The following ZNF134 variants were observed in gnomAD, a reference collection of about 807,000 sequenced individuals.
ZNF134 encodes zinc finger protein 134.
In ZNF134, 5 loss-of-function variants were observed where a neutral mutation model predicts 2.5. The observed-to-expected ratio is 2.03, with a 90% CI of 1.06 to 4.27. The LOEUF (loss-of-function observed/expected upper bound fraction) is 4.27, where lower values mean the gene tolerates loss of function less well. Ranked by LOEUF, ZNF134 falls within the 30% of genes most tolerant of loss-of-function variation. The probability of loss-of-function intolerance (pLI) is 0.00; values close to 1 mark genes in which losing one functional copy is unlikely to be tolerated. For synonymous variants in ZNF134, 176 were observed against 176.2 expected, an observed-to-expected ratio of 1.00 and a Z score of 0.01; for missense variants, 540 against 517.5, an observed-to-expected ratio of 1.04 and a Z score of -0.42.
rs1442359055 is a variant in ZNF134 at position 57,614,720 on chromosome 19, G to C, written c.-58+217G>C. Among the ~76,000 whole-genome samples, 3 of 152,198 alleles carry C rather than the reference G, an allele frequency of 2.0e-5. No homozygotes were observed. In the South Asian group the frequency reaches 6.2e-4, roughly 32 times the overall value. ...GGGAGCGTGTGTGAACCGTAGTCAGGCCTGCAATGTCGAGGGGAGAAGTTG... is the reference window on the plus strand; with the variant it reads ...GGGAGCGTGTGTGAACCGTAGTCAGCCCTGCAATGTCGAGGGGAGAAGTTG... On this transcript the variant is annotated intron_variant, in intron 1 of 2. Transcript: ENST00000396161.
At chr19:57,620,108 GC>G in intron 2 of ZNF134, 51 bp from the exon 3 acceptor site, 2 of 1,571,820 alleles carry the variant, frequency 1.3e-6, no homozygotes, top group Non-Finnish European at 1.7e-6. Flanking sequence ...TGATGTAGTT[GC>G]CCCACCCACC....
At chr19:57,620,074 C>G (rs975034377) in intron 2 of ZNF134, 86 bp from the exon 3 acceptor site, 8 of 1,500,018 alleles carry the variant, frequency 5.3e-6, no homozygotes, top group Non-Finnish European at 7.2e-6. Context: ...GTACTCAGTC[C>G]TGGGTACAGC....
At chr19:57,620,028 A>C in intron 2 of ZNF134, 132 bp from the exon 3 acceptor site, 1 of 1,058,914 alleles carries the variant, frequency 9.4e-7, no homozygotes. Context: ...CCCTTTTTTC[A>C]ACCTGATCCT....
rs1981250414 is a variant in ZNF134 at position 57,622,350 on chromosome 19, G to T, written c.*947G>T. 1 of 152,174 alleles carries T rather than the reference G, an allele frequency of 6.6e-6. No homozygotes were observed. Among genetic ancestry groups the T allele is most frequent in the Non-Finnish European group, 1.5e-5 (1 of 68,062 alleles). The allele number at this position is 152,174 out of a possible 1,614,324, so 9.4% of individuals were successfully genotyped here. ...TGAATCTGTTTCACAGGCCACTGTT[G>T]GTAAGATCTAAAGCATCCAGTAGGG... On this transcript the variant is annotated 3_prime_UTR_variant, in exon 3 of 3. Transcript: ENST00000396161.
At chr19:57,619,642 A>C in intron 2 of ZNF134, 134 bp downstream of exon 2, 1 of 998,650 alleles carries the variant, frequency 1.0e-6, no homozygotes, top group East Asian at 2.7e-5. Flanking sequence ...CATTCTGTAC[A>C]CTCTTGTCAT....
chr19:57,623,773 A>G lies in ZNF134; in HGVS notation c.*2370A>G, dbSNP rs1220057064. ...AGAAGTTTAAACTATCACTCATCTC[A>G]GCAAAAGCCAAAAATATAGATAGGG... On this transcript the variant is annotated 3_prime_UTR_variant, in exon 3 of 3. Transcript: ENST00000396161. 1 of 152,240 alleles carries G rather than the reference A, an allele frequency of 6.6e-6. No individual in the cohort carries two copies. Among genetic ancestry groups the G allele is most frequent in the Non-Finnish European group, 1.5e-5 (1 of 68,038 alleles). 9.4% of individuals were successfully genotyped at this position (152,240 alleles called of 1,614,324 possible). A position where few individuals can be genotyped will look rare whatever the true frequency, so the allele number is the denominator to read the frequency against.
In ZNF134 at chr19:57,614,253, C is replaced by A. The variant is rs1353804542; in HGVS notation, c.-308C>A. On this transcript the variant is annotated 5_prime_UTR_variant, in exon 1 of 3. Transcript: ENST00000396161. ...CCGGTATCTTCCTCGCGGTGGACAT[C>A]TTGTCGGCTCTTAGGTGGAACCATC... 2 of 425,260 alleles carry A rather than the reference C, an allele frequency of 4.7e-6. No homozygotes were observed. Among genetic ancestry groups the A allele is most frequent in the African/African-American group, 4.1e-5 (2 of 48,512 alleles). 26.3% of individuals were successfully genotyped at this position (425,260 alleles called of 1,614,324 possible).
rs371670359 is a variant in ZNF134 at position 57,620,362 on chromosome 19, G to A, written c.243G>A (p.Gly81=). Residue 81 remains glycine (G), a synonymous_variant, in exon 3 of 3, where the codon GGG becomes GGA. Coordinates refer to ENST00000396161, the MANE Select transcript of ZNF134 (RefSeq NM_003435.5). ...ATGGACTGAAACTTCACACATGTGG[G>A]GCATGTGGGAGACAATTCTGGTTCA... ...THHGLKLHTC[G]ACGRQFWFSA... is the part of the protein sequence containing the mutation. 2 of 1,614,084 alleles carry A rather than the reference G, an allele frequency of 1.2e-6. No homozygotes were observed. The highest frequency in any genetic ancestry group is 2.7e-5 in the African/African-American group (2 of 74,926).
rs1023103869 is a variant in ZNF134, at chr19:57,623,045, A to C, written c.*1642A>C. The stretch of plus-strand genomic sequence containing the variant: ...GTATTGGACATATCTGTTACCCCCA[A>C]AGTTAACCTGAGGCCCTTAACCTTT... On this transcript the variant is annotated 3_prime_UTR_variant, in exon 3 of 3. Transcript: ENST00000396161. 26 of 151,790 alleles carry C rather than the reference A, an allele frequency of 1.7e-4. No individual in the cohort carries two copies. The highest frequency in any genetic ancestry group is 6.1e-4 in the African/African-American group (25 of 41,296). 9.4% of individuals were successfully genotyped at this position (151,790 alleles called of 1,614,324 possible). A position where few individuals can be genotyped will look rare whatever the true frequency, so the allele number is the denominator to read the frequency against.
chr19:57,621,274 C>A lies in ZNF134; in HGVS notation c.1155C>A (p.Ser385=), dbSNP rs770304655. ...SKCGKDFIRT[S]HLVRHQRVHT... is the part of the protein sequence containing the mutation. ...GTGGGAAAGACTTTATCAGAACCTC[C>A]CACCTTGTTCGACACCAAAGAGTTC... The change falls in exon 3 of 3, where the codon TCC becomes TCA. Residue 385 remains serine (S), a synonymous_variant. Transcript: ENST00000396161. 2 of 1,613,994 alleles carry A rather than the reference C, an allele frequency of 1.2e-6. No homozygotes were observed. The highest frequency in any genetic ancestry group is 1.7e-6 in the Non-Finnish European group (2 of 1,180,006).
At position 57,621,370 on chromosome 19, in the gene ZNF134, G is replaced by A; in HGVS notation, c.1251G>A (p.Arg417=). The A allele has an allele frequency of 6.2e-7, 1 of 1,613,676 alleles. No homozygotes were observed. Residue 417 remains arginine, a synonymous_variant, in exon 3 of 3, where the codon CGG becomes CGA. Transcript: ENST00000396161. ...KAYSLSSHLN[R]HQKVHTAGRL ...ACAGCTTAAGCTCCCACCTCAATCG[G>A]CACCAGAAAGTTCACACTGCAGGCA...
chr19:57,616,139 G>A (rs773769935), intron 1 of ZNF134, among the ~76,000 whole-genome samples: 4 of 152,140 alleles, frequency 2.6e-5, no homozygotes, highest in Non-Finnish European at 5.9e-5. Flanking sequence ...TGGTGCCTCA[G>A]TTACCCAAAC....
intron 1 of ZNF134, among the ~76,000 whole-genome samples, chr19:57,617,264 CTG>C (rs1249660757): frequency 6.6e-6 from 1 of 152,142 alleles, no homozygotes; most frequent in Non-Finnish European, 1.5e-5. Context: ...TGAAAAAAGA[CTG>C]TGGGAGTGAG....
At chr19:57,616,699 A>G (rs1026856028) in intron 1 of ZNF134, among the ~76,000 whole-genome samples, 2 of 152,238 alleles carry the variant, frequency 1.3e-5, no homozygotes, top group Admixed American at 6.5e-5. Flanking sequence ...GAAACAGTTC[A>G]GTCGATGAGA....
At position 57,620,244 on chromosome 19, in the gene ZNF134, C is replaced by G; in HGVS notation, c.125C>G (p.Ala42Gly). 1 of 1,614,210 alleles carries G rather than the reference C, an allele frequency of 6.2e-7. No homozygotes were observed. The highest frequency in any genetic ancestry group is 1.1e-5 in the South Asian group (1 of 91,082). The part of the protein sequence containing the change: ...IAVSHVNTSK[A>G]GLPAQTALPC... Reference sequence around the variant, plus strand: ...GTGTCACATGTTAATACTTCCAAGGCAGGTTTGCCCGCACAGACGGCTCTC... The same window carrying G: ...GTGTCACATGTTAATACTTCCAAGGGAGGTTTGCCCGCACAGACGGCTCTC... Residue 42 changes from alanine to glycine, a missense_variant, in exon 3 of 3, where the codon GCA becomes GGA. Ala to Gly is a moderately conservative substitution (Grantham distance 60). Coordinates refer to ENST00000396161, the MANE Select transcript of ZNF134 (RefSeq NM_003435.5).
At position 57,621,941 on chromosome 19, in the gene ZNF134, T is replaced by G. The variant is rs572275072; in HGVS notation, c.*538T>G. 6.5e-4 allele frequency: 141 copies of G among 217,520 alleles called. No homozygotes were observed. The highest frequency in any genetic ancestry group is 5.7e-3 in the Middle Eastern group (3 of 524). The allele number at this position is 217,520 out of a possible 1,614,324, so 13.5% of individuals were successfully genotyped here. On this transcript the variant is annotated 3_prime_UTR_variant, in exon 3 of 3. Transcript: ENST00000396161. The stretch of plus-strand genomic sequence containing the variant: ...TTAAGCCACATTTAATCTTGGGGCT[T>G]CTTCTTATGGTCTGGGGTGGATTGA...
rs1165330460 is a variant in ZNF134, at chr19:57,624,013, A to T, written c.*2610A>T. ...ATTCTATACATGGGACTGGCTGCGG[A>T]AACAGGTGCAAGCCCTTGCTACCTT... On this transcript the variant is annotated 3_prime_UTR_variant, in exon 3 of 3. Coordinates refer to ENST00000396161, the MANE Select transcript of ZNF134 (RefSeq NM_003435.5). The T allele has an allele frequency of 6.6e-6, 1 of 152,292 alleles. No homozygotes were observed. The highest frequency in any genetic ancestry group is 2.4e-5 in the African/African-American group (1 of 41,468). The allele number at this position is 152,292 out of a possible 1,614,324, so 9.4% of individuals were successfully genotyped here.
Position 57,621,688 on chromosome 19 carries a change from G to C in ZNF134, c.*285G>C. The C allele has an allele frequency of 7.2e-6, 4 of 557,992 alleles. No homozygotes were observed. The highest frequency in any genetic ancestry group is 1.8e-5 in the South Asian group (1 of 56,836). 34.6% of individuals were successfully genotyped at this position (557,992 alleles called of 1,614,324 possible). On this transcript the variant is annotated 3_prime_UTR_variant, in exon 3 of 3. Coordinates refer to ENST00000396161, the MANE Select transcript of ZNF134 (RefSeq NM_003435.5). ...TCATGAAATGCCTGAGTTCATTGGGGGTCCTCATTCCCTTCTGTATGACAG... is the reference window on the plus strand; with the variant it reads ...TCATGAAATGCCTGAGTTCATTGGGCGTCCTCATTCCCTTCTGTATGACAG...
rs1981301484 is a variant in ZNF134 at position 57,623,803 on chromosome 19, C to T, written c.*2400C>T. ...AAGCCAAAAATATAGATAGGGGATT[C>T]CCTAGGAGGAATAATCTGCATAAAC... On this transcript the variant is annotated 3_prime_UTR_variant, in exon 3 of 3. Transcript: ENST00000396161. The T allele has an allele frequency of 6.6e-6, 1 of 152,106 alleles. No individual in the cohort carries two copies. Among genetic ancestry groups the T allele is most frequent in the Non-Finnish European group, 1.5e-5 (1 of 68,004 alleles). The allele number at this position is 152,106 out of a possible 1,614,324, so 9.4% of individuals were successfully genotyped here.
Sources: allele counts gnomAD v4.1 joint callset (sites outside exome capture counted in the v4.1 genomes callset), GRCh38; gene constraint gnomAD v4.1.1; transcripts MANE v1.5; gene names NCBI Gene and HGNC (gene_info 2026-07-23, HGNC 2026-07-21).